The following PPP1R3F variants were observed in gnomAD, a reference collection of about 807,000 sequenced individuals.
PPP1R3F encodes the protein protein phosphatase 1, regulatory (inhibitor) subunit 3F.
A neutral mutation model predicts 24.2 loss-of-function variants in PPP1R3F; 29 were observed. The observed-to-expected ratio is 1.20, with a 90% CI of 0.89 to 1.63. The LOEUF is 1.63. Among genes scored for constraint, PPP1R3F ranks in the 40% most tolerant of loss-of-function variants. PPP1R3F has a pLI of 0.00. For synonymous variants in PPP1R3F, 363 were observed against 340.1 expected (o/e 1.07, Z -0.74); for missense variants, 823 against 729.3 (o/e 1.13, Z -1.48).
chrX:49,270,601 C>T lies in PPP1R3F; in HGVS notation c.732C>T (p.Ala244=), dbSNP rs781930147. 17 of 1,204,432 alleles carry T rather than the reference C, an allele frequency of 1.4e-5. No individual in the cohort carries two copies. The South Asian group carries it at 1.9e-4, about 14-fold the overall frequency. Residue 244 remains alanine (A), a synonymous_variant, in exon 1 of 4, where the codon GCC becomes GCT. Coordinates refer to ENST00000055335, the MANE Select transcript of PPP1R3F (RefSeq NM_033215.5). ...PDDGGRTDRF[A]FQLPFAEGAG... is the part of the protein sequence containing the mutation. ...ACGGCGGCCGCACCGACCGCTTTGC[C>T]TTCCAGCTGCCCTTTGCTGAGGGCG... is the stretch of plus-strand genomic sequence containing the variant.
chrX:49,274,146 A>C (rs1177933176), intron 1 of PPP1R3F: 1 of 112,303 alleles, frequency 8.9e-6, no homozygotes, highest in Non-Finnish European at 1.9e-5. Flanking sequence ...ATTCCCTGTG[A>C]AGTAGAGGGT....
At chrX:49,297,175 C>A (rs1240887900) in intron 3 of PPP1R3F, among the ~76,000 whole-genome samples, 4 of 98,861 alleles carry the variant, frequency 4.0e-5, no homozygotes, top group Admixed American at 2.4e-4. Context: ...TCTCTAAGAA[C>A]TTGCTTTATT....
intron 3 of PPP1R3F, 106 bp from the exon 4 acceptor site, chrX:49,285,728 C>A: frequency 1.2e-6 from 1 of 855,324 alleles, no homozygotes; most frequent in Non-Finnish European, 1.6e-6. Flanking sequence ...CCCTGTGGGG[C>A]TGGCTGTGGG....
downstream of PPP1R3F, among the ~76,000 whole-genome samples, chrX:49,292,652 G>T (rs1403300030): frequency 2.7e-5 from 3 of 112,985 alleles, no homozygotes; most frequent in African/African-American, 9.6e-5. Context: ...GTGGTCTGGG[G>T]GAGACACGGG....
chrX:49,286,528 T>A lies in PPP1R3F; in HGVS notation c.1838T>A (p.Met613Lys), dbSNP rs1248665972. 4 of 1,209,488 alleles carry A rather than the reference T, an allele frequency of 3.3e-6. No homozygotes were observed. The African/African-American group carries it at 7.0e-5, about 21-fold the overall frequency. The change falls in exon 4 of 4, where the codon ATG (methionine) becomes AAG (lysine). Residue 613 changes from methionine to lysine, a missense_variant. By Grantham distance (95) the Met-to-Lys change is moderately conservative. Transcript: ENST00000055335. ...LSGARSVVAT[M>K]GDVWLPWAEG... ...GGGGCCCGTTCTGTGGTAGCCACGATGGGAGATGTGTGGCTCCCATGGGCA... is the reference window on the plus strand; with the variant it reads ...GGGGCCCGTTCTGTGGTAGCCACGAAGGGAGATGTGTGGCTCCCATGGGCA...
intron 3 of PPP1R3F, among the ~76,000 whole-genome samples, chrX:49,282,691 C>T (rs782550412): frequency 3.7e-5 from 4 of 107,485 alleles, no homozygotes; most frequent in East Asian, 2.9e-4. Flanking sequence ...TAGAAGCCAG[C>T]GCAGCAGGGG....
chrX:49,273,154 C>T (rs1602702320), intron 1 of PPP1R3F: 2 of 109,138 alleles, frequency 1.8e-5, no homozygotes, highest in African/African-American at 6.7e-5. Context: ...GATGAAGATA[C>T]TGAGCAGGTC....
Position 49,270,760 on chromosome X carries a change from A to T in PPP1R3F, c.891A>T (p.Glu297Asp). 3.3e-6 allele frequency: 4 copies of T among 1,201,251 alleles called. No homozygotes were observed. The highest frequency in any genetic ancestry group is 4.5e-6 in the Non-Finnish European group (4 of 890,439). ...CCGCTCCCACACCCACTGATGCCGA[A>T]GGGCTGCCCCAGCAGCAGCAGCTGC... ...IAPAPTPTDA[E>D]GLPQQQQLPQ... Residue 297 changes from glutamate (E) to aspartate (D), a missense_variant, in exon 1 of 4, where the codon GAA becomes GAT. Coordinates refer to ENST00000055335, the MANE Select transcript of PPP1R3F (RefSeq NM_033215.5).
chrX:49,298,216 G>GA (rs2066328982), intron 3 of PPP1R3F, among the ~76,000 whole-genome samples: 1 of 112,139 alleles, frequency 8.9e-6, no homozygotes, highest in African/African-American at 3.2e-5. Flanking sequence ...CTGGTGGCGA[G>GA]AAAATCTCTC....
chrX:49,270,861 C>G lies in PPP1R3F; in HGVS notation c.992C>G (p.Pro331Arg). The change falls in exon 1 of 4, where the codon CCG (proline) becomes CGG (arginine). Residue 331 changes from proline (P) to arginine (R), a missense_variant. Transcript: ENST00000055335. Reference protein sequence around the residue: ...EARQLKSCMKPVRRRPAEEEL... With the variant: ...EARQLKSCMKRVRRRPAEEEL... ...AGGCAGCTGAAGAGCTGCATGAAGC[C>G]GGTGAGGCGCAGGTAATGTCAGCCA... is the stretch of plus-strand genomic sequence containing the variant. The G allele has an allele frequency of 8.5e-7, 1 of 1,179,411 alleles. No homozygotes were observed.
At chrX:49,298,068 G>A (rs2066328654) in intron 3 of PPP1R3F, among the ~76,000 whole-genome samples, 1 of 110,505 alleles carries the variant, frequency 9.0e-6, no homozygotes, top group Non-Finnish European at 1.9e-5. Flanking sequence ...TATGATGCTA[G>A]CTGGTTATTT....
chrX:49,281,312 G>C, intron 1 of PPP1R3F, 94 bp from the exon 2 acceptor site: 3 of 569,936 alleles, frequency 5.3e-6, no homozygotes, highest in South Asian at 7.1e-5. Context: ...AGGTGAAGGT[G>C]GGCTAGCACA....
chrX:49,286,601 G>A lies in PPP1R3F; in HGVS notation c.1911G>A (p.Gln637=). Residue 637 remains glutamine (Q), a synonymous_variant, in exon 4 of 4, where the codon CAG becomes CAA. Coordinates refer to ENST00000055335, the MANE Select transcript of PPP1R3F (RefSeq NM_033215.5). ...DGPVVLGTEG[Q]FIGDPEKGMG... is the part of the protein sequence containing the mutation. ...CTGTGGTTCTGGGTACAGAGGGTCA[G>A]TTCATTGGGGATCCTGAGAAAGGGA... The A allele has an allele frequency of 8.3e-7, 1 of 1,211,406 alleles. No individual in the cohort carries two copies. Among genetic ancestry groups the A allele is most frequent in the Non-Finnish European group, 1.1e-6 (1 of 895,239 alleles).
Position 49,272,880 on chromosome X carries a change from T to C in PPP1R3F, c.1004+2007T>C, listed in dbSNP as rs1333820678. Among the ~76,000 whole-genome samples, 16 of 111,272 alleles carry C rather than the reference T, an allele frequency of 1.4e-4. No homozygotes were observed. The Admixed American group carries it at 1.5e-3, about 11-fold the overall frequency. On this transcript the variant is annotated intron_variant, in intron 1 of 3. Transcript: ENST00000055335. ...GCCAGCTTGCTCAAAGCCTCTCAGC[T>C]AGTGAGTGACAGGGCCAGGGAAGAA...
At chrX:49,300,263 A>C (rs1477732252) in intron 3 of PPP1R3F, among the ~76,000 whole-genome samples, 1 of 110,181 alleles carries the variant, frequency 9.1e-6, no homozygotes, top group Middle Eastern at 4.2e-3. Flanking sequence ...GGCTAGGGGA[A>C]GGAGTTCCCC....
At chrX:49,290,238 C>T (rs970856105), downstream of PPP1R3F, among the ~76,000 whole-genome samples, 2 of 111,516 alleles carry the variant, frequency 1.8e-5, no homozygotes, top group East Asian at 2.8e-4. Context: ...ACAGTGTAGG[C>T]GGCCTCCTTC....
chrX:49,269,973 G>A lies in PPP1R3F; in HGVS notation c.104G>A (p.Arg35Gln). Residue 35 changes from arginine to glutamine, a missense_variant, in exon 1 of 4, where the codon CGG (arginine) becomes CAG (glutamine). By Grantham distance (43) the Arg-to-Gln change is conservative. Transcript: ENST00000055335. Reference sequence around the variant, plus strand: ...TCGGTCGAGGCGGCGGTGGCCCCGCGGAGGGTGCTGTTCGCCGACGAGGCC... The same window carrying A: ...TCGGTCGAGGCGGCGGTGGCCCCGCAGAGGGTGCTGTTCGCCGACGAGGCC... ...RTSVEAAVAP[R>Q]RVLFADEALG... The A allele has an allele frequency of 1.1e-6, 1 of 908,779 alleles. No individual in the cohort carries two copies. The allele number at this position is 908,779 out of a possible 1,213,427, so 74.9% of individuals were successfully genotyped here.
rs782770519 is a variant in PPP1R3F, at chrX:49,286,284, C to G, written c.1594C>G (p.Arg532Gly). The stretch of plus-strand genomic sequence containing the variant: ...CCATCCCCTGGGCATACTGACGGAC[C>G]GCGACCTGATCTTGAAGTGGCCTGG... ...PSHPLGILTD[R>G]DLILKWPGPE... The change falls in exon 4 of 4, where the codon CGC becomes GGC. Residue 532 changes from arginine (R) to glycine (G), a missense_variant. By Grantham distance (125) the Arg-to-Gly change is moderately radical. Transcript: ENST00000055335. 8.3e-7 allele frequency: 1 copy of G among 1,210,839 alleles called. No homozygotes were observed. The highest frequency in any genetic ancestry group is 1.1e-6 in the Non-Finnish European group (1 of 895,078).
chrX:49,297,600 C>T (rs970115911), intron 3 of PPP1R3F, among the ~76,000 whole-genome samples: 8 of 111,224 alleles, frequency 7.2e-5, no homozygotes, highest in East Asian at 2.8e-4. Context: ...CTACCCGCCT[C>T]GGCCTCCCAA....
Sources: allele counts gnomAD v4.1 joint callset (sites outside exome capture counted in the v4.1 genomes callset), GRCh38; gene constraint gnomAD v4.1.1; transcripts MANE v1.5; gene names NCBI Gene and HGNC (gene_info 2026-07-23, HGNC 2026-07-21).